FOXN2: variants seen among roughly 807,000 people sequenced by gnomAD.
FOXN2 encodes forkhead box protein N2.
Under a neutral mutation model 41.2 loss-of-function variants are expected in FOXN2, and 19 were observed. The observed-to-expected ratio is 0.46, with a 90% CI of 0.32 to 0.68. The LOEUF (loss-of-function observed/expected upper bound fraction) is 0.68. Ranked by LOEUF, FOXN2 falls within the 30% of genes least tolerant of loss-of-function variation. The pLI is 0.03. For synonymous variants in FOXN2, 195 were observed against 176.8 expected, an observed-to-expected ratio of 1.10 and a Z score of -0.82; for missense variants, 587 against 509.4, an observed-to-expected ratio of 1.15 and a Z score of -1.47.
intron 3 of FOXN2, among the ~76,000 whole-genome samples, chr2:48,348,443 T>C (rs939046618): frequency 6.6e-6 from 1 of 152,222 alleles, no homozygotes; most frequent in Non-Finnish European, 1.5e-5. Flanking sequence ...ATTATAGTTA[T>C]TATATAATGT....
chr2:48,329,841 T>G (rs988001955), intron 2 of FOXN2, among the ~76,000 whole-genome samples: 1 of 152,144 alleles, frequency 6.6e-6, no homozygotes, highest in Non-Finnish European at 1.5e-5. Flanking sequence ...ATATGCCTTT[T>G]TTTTCCTTAC....
At chr2:48,356,348 A>C (rs1182606700) in intron 3 of FOXN2, among the ~76,000 whole-genome samples, 1 of 152,000 alleles carries the variant, frequency 6.6e-6, no homozygotes, top group African/African-American at 2.4e-5. Context: ...GGCTGAGGCA[A>C]GGGAATCGTC....
chr2:48,327,406 A>T (rs2104177094), intron 1 of FOXN2, among the ~76,000 whole-genome samples: 1 of 152,156 alleles, frequency 6.6e-6, no homozygotes, highest in East Asian at 1.9e-4. Context: ...ATTTAGAAAC[A>T]TTTATTTTAG....
intron 2 of FOXN2, among the ~76,000 whole-genome samples, chr2:48,337,090 C>G (rs1245216330): frequency 6.6e-6 from 1 of 151,242 alleles, no homozygotes; most frequent in Non-Finnish European, 1.5e-5. Flanking sequence ...ACCACCCCCA[C>G]CTCCCTCCCA....
Position 48,346,312 on chromosome 2 carries a change from T to C in FOXN2, c.98T>C (p.Leu33Ser), listed in dbSNP as rs751329103. The change falls in exon 3 of 7, where the codon TTG (leucine) becomes TCG (serine). Residue 33 changes from leucine (L) to serine (S), a missense_variant. Physicochemically the swap from Leu to Ser is moderately radical, Grantham distance 145. Coordinates refer to ENST00000340553, the MANE Select transcript of FOXN2 (RefSeq NM_002158.4). ...GLSQIYKMGS[L>S]PEAVDAARPK... ...AGCCAGATTTACAAAATGGGAAGCT[T>C]GCCTGAAGCTGTTGATGCTGCCAGG... 1 of 1,614,194 alleles carries C rather than the reference T, an allele frequency of 6.2e-7. No individual in the cohort carries two copies. The highest frequency in any genetic ancestry group is 8.5e-7 in the Non-Finnish European group (1 of 1,180,034).
chr2:48,341,671 A>T (rs1670783529), intron 2 of FOXN2, among the ~76,000 whole-genome samples: 1 of 152,210 alleles, frequency 6.6e-6, no homozygotes, highest in Non-Finnish European at 1.5e-5. Context: ...AAGAAAGAGC[A>T]TGTGGCCAAG....
chr2:48,362,526 G>C lies in FOXN2; in HGVS notation c.639-117G>C, dbSNP rs1558636561. 6 of 773,080 alleles carry C rather than the reference G, an allele frequency of 7.8e-6. No homozygotes were observed. In the East Asian group the frequency reaches 1.6e-4, roughly 21 times the overall value. 47.9% of individuals were successfully genotyped at this position (773,080 alleles called of 1,614,324 possible). On this transcript the variant is annotated intron_variant, in intron 4 of 6. Coordinates refer to ENST00000340553, the MANE Select transcript of FOXN2 (RefSeq NM_002158.4). ...CAAGGCTGCAGTAGGCTGAAATCAT[G>C]CCACTGCACTCCAGCCTGGGCGGCC...
At position 48,355,728 on chromosome 2, in the gene FOXN2, A is replaced by G. The variant is rs985778991; in HGVS notation, c.538-3319A>G. Among the ~76,000 whole-genome samples, 6 of 152,190 alleles carry G rather than the reference A, an allele frequency of 3.9e-5. No individual in the cohort carries two copies. In the East Asian group the frequency reaches 7.7e-4, roughly 20 times the overall value. On this transcript the variant is annotated intron_variant, in intron 3 of 6. Transcript: ENST00000340553. ...CGGTTATCTAGAGATGATAATCCCA[A>G]TAGGAGGCAGAATGGCAAGGTCTAG... is the stretch of plus-strand genomic sequence containing the variant.
At chr2:48,354,815 G>A (rs1233140220) in intron 3 of FOXN2, among the ~76,000 whole-genome samples, 1 of 152,098 alleles carries the variant, frequency 6.6e-6, no homozygotes, top group Admixed American at 6.5e-5. Context: ...ACACAAATAG[G>A]CAATAAACAT....
At chr2:48,330,488 A>C (rs1311822277) in intron 2 of FOXN2, among the ~76,000 whole-genome samples, 1 of 152,170 alleles carries the variant, frequency 6.6e-6, no homozygotes, top group East Asian at 1.9e-4. Context: ...TAGTGATCTG[A>C]ATTCAGTGAA....
intron 5 of FOXN2, among the ~76,000 whole-genome samples, chr2:48,368,094 G>A (rs1215568567): frequency 6.6e-6 from 1 of 151,984 alleles, no homozygotes; most frequent in African/African-American, 2.4e-5. Flanking sequence ...CACCCACCTC[G>A]GCCTCCCAAA....
intron 2 of FOXN2, among the ~76,000 whole-genome samples, chr2:48,332,229 AT>A (rs1670061734): frequency 6.6e-6 from 1 of 152,134 alleles, no homozygotes; most frequent in South Asian, 2.1e-4. Context: ...TAGTATAGTT[AT>A]TTTTATTGTT....
At chr2:48,357,246 TTGCTATTTCAAGGA>T (rs1241705621) in intron 3 of FOXN2, among the ~76,000 whole-genome samples, 1 of 152,176 alleles carries the variant, frequency 6.6e-6, no homozygotes, top group Non-Finnish European at 1.5e-5. Flanking sequence ...TTTTTCCAAT[TTGCTATTTCAAGGA>T]AATAGCAACT....
At position 48,328,056 on chromosome 2, in the gene FOXN2, A is replaced by G. The variant is rs114433040; in HGVS notation, c.-156-505A>G. On this transcript the variant is annotated intron_variant, in intron 1 of 6. Coordinates refer to ENST00000340553, the MANE Select transcript of FOXN2 (RefSeq NM_002158.4). ...AAAGATGCTTCTTTTCAGTGGAGCA[A>G]TTTATTTGGCTATAGGTGATATACT... is the stretch of plus-strand genomic sequence containing the variant. Among the ~76,000 whole-genome samples the G allele has an allele frequency of 7.3e-3, 1,116 of 152,302 alleles. 11 individuals are homozygous for G. Among genetic ancestry groups the G allele is most frequent in the African/African-American group, 0.025 (1,034 of 41,566 alleles).
chr2:48,342,166 T>C, intron 2 of FOXN2, among the ~76,000 whole-genome samples: 1 of 152,200 alleles, frequency 6.6e-6, no homozygotes, highest in African/African-American at 2.4e-5. Flanking sequence ...ATCACCGTTT[T>C]CTTTTTTGTA....
Position 48,376,556 on chromosome 2 carries a change from T to A in FOXN2, c.*1113T>A, listed in dbSNP as rs1673262685. The A allele has an allele frequency of 6.6e-6, 1 of 152,532 alleles. No homozygotes were observed. Among genetic ancestry groups the A allele is most frequent in the Non-Finnish European group, 1.5e-5 (1 of 67,966 alleles). The allele number at this position is 152,532 out of a possible 1,614,324, so 9.4% of individuals were successfully genotyped here. On this transcript the variant is annotated 3_prime_UTR_variant, in exon 7 of 7. Coordinates refer to ENST00000340553, the MANE Select transcript of FOXN2 (RefSeq NM_002158.4). ...ATTTCAAAATTCATATAAAATTTGA[T>A]CTTATGCAATACACCTTTTTGAGGA... is the stretch of plus-strand genomic sequence containing the variant.
intron 1 of FOXN2, among the ~76,000 whole-genome samples, chr2:48,324,262 C>G (rs1164452112): frequency 7.0e-6 from 1 of 142,500 alleles, no homozygotes; most frequent in East Asian, 2.0e-4. Flanking sequence ...GTGGCACAAT[C>G]TTGCTCACTG....
chr2:48,350,185 T>C (rs771099001), intron 3 of FOXN2, among the ~76,000 whole-genome samples: 1 of 152,250 alleles, frequency 6.6e-6, no homozygotes, highest in Non-Finnish European at 1.5e-5. Context: ...AGCTATAGGA[T>C]ATTTCTGTCA....
chr2:48,331,797 A>G (rs923385389), intron 2 of FOXN2, among the ~76,000 whole-genome samples: 3 of 151,238 alleles, frequency 2.0e-5, no homozygotes, highest in Admixed American at 6.6e-5. Flanking sequence ...GGCCTCGGTG[A>G]CAGAACCAGA....
Sources: allele counts gnomAD v4.1 joint callset (sites outside exome capture counted in the v4.1 genomes callset), GRCh38; gene constraint gnomAD v4.1.1; transcripts MANE v1.5; gene names NCBI Gene and HGNC (gene_info 2026-07-23, HGNC 2026-07-21).